Variants in UBASH3B observed in about 807,000 individuals in gnomAD.
The protein encoded by UBASH3B is ubiquitin associated and SH3 domain containing B.
A neutral mutation model predicts 83.4 loss-of-function variants in UBASH3B; 37 were observed. The observed-to-expected ratio is 0.44, with a 90% CI of 0.34 to 0.58. UBASH3B has a LOEUF of 0.58. Ranked by LOEUF, UBASH3B falls within the 20% of genes least tolerant of loss-of-function variation. The pLI is 0.01. For synonymous variants in UBASH3B, 304 were observed against 318.3 expected (o/e 0.96, Z 0.48); for missense variants, 657 against 827.2 (o/e 0.79, Z 2.52).
chr11:122,680,984 G>A (rs1863730895), intron 1 of UBASH3B, among the ~76,000 whole-genome samples: 1 of 152,154 alleles, frequency 6.6e-6, no homozygotes, highest in Non-Finnish European at 1.5e-5. Context: ...TTTGTCCAGA[G>A]CAAGACCCGA....
intron 1 of UBASH3B, among the ~76,000 whole-genome samples, chr11:122,720,963 C>T (rs1245179638): frequency 4.0e-5 from 6 of 151,826 alleles, no homozygotes; most frequent in East Asian, 1.9e-4. Context: ...ATGAATGACT[C>T]GGCCAGGCGC....
chr11:122,677,484 G>A (rs748294738), intron 1 of UBASH3B, among the ~76,000 whole-genome samples: 6 of 152,070 alleles, frequency 3.9e-5, no homozygotes, highest in East Asian at 1.9e-4. Flanking sequence ...ACCTGATGCC[G>A]TGCCTCTGGT....
At chr11:122,734,069 T>G (rs569492446) in intron 1 of UBASH3B, among the ~76,000 whole-genome samples, 1 of 152,250 alleles carries the variant, frequency 6.6e-6, no homozygotes, top group African/African-American at 2.4e-5. Flanking sequence ...GTGTTTTAAG[T>G]AAAGATGGGG....
chr11:122,720,498 C>T (rs1307549140), intron 1 of UBASH3B, among the ~76,000 whole-genome samples: 2 of 152,216 alleles, frequency 1.3e-5, no homozygotes, highest in South Asian at 2.1e-4. Context: ...AATCACTCCA[C>T]TGCTCAAAAT....
chr11:122,658,649 G>A (rs1041212196), intron 1 of UBASH3B, among the ~76,000 whole-genome samples: 5 of 152,240 alleles, frequency 3.3e-5, no homozygotes, highest in Admixed American at 2.0e-4. Flanking sequence ...ACAGTAAGCA[G>A]TGAAGCTGGG....
intron 1 of UBASH3B, among the ~76,000 whole-genome samples, chr11:122,667,037 C>CTTT (rs148029449): frequency 7.1e-4 from 72 of 101,500 alleles, no homozygotes; most frequent in Non-Finnish European, 8.3e-4. Flanking sequence ...TAATGGCATT[C>CTTT]TTTTTTTTTT....
At chr11:122,688,086 A>G (rs1043463072) in intron 1 of UBASH3B, among the ~76,000 whole-genome samples, 1 of 151,860 alleles carries the variant, frequency 6.6e-6, no homozygotes, top group African/African-American at 2.4e-5. Flanking sequence ...TTTCCCACCT[A>G]TTTACTGCAC....
At chr11:122,697,117 T>C (rs552382310) in intron 1 of UBASH3B, among the ~76,000 whole-genome samples, 2 of 152,178 alleles carry the variant, frequency 1.3e-5, no homozygotes, top group Admixed American at 6.5e-5. Context: ...GGGGGGAAGT[T>C]TGAAGTTTTG....
At chr11:122,734,761 T>C (rs957929478) in intron 1 of UBASH3B, among the ~76,000 whole-genome samples, 1 of 151,102 alleles carries the variant, frequency 6.6e-6, no homozygotes, top group African/African-American at 2.4e-5. Context: ...TCTTATAGAA[T>C]TATGATGAGT....
intron 1 of UBASH3B, among the ~76,000 whole-genome samples, chr11:122,747,043 G>A (rs1347195868): frequency 2.0e-5 from 3 of 152,226 alleles, no homozygotes; most frequent in East Asian, 1.9e-4. Flanking sequence ...GGAAACTGCC[G>A]AGGCTCCTGG....
intron 1 of UBASH3B, among the ~76,000 whole-genome samples, chr11:122,688,470 G>A (rs1863837221): frequency 7.0e-6 from 1 of 142,610 alleles, no homozygotes; most frequent in African/African-American, 2.6e-5. Context: ...TTTTGAGACG[G>A]AGTCTGGCTC....
At position 122,693,068 on chromosome 11, in the gene UBASH3B, C is replaced by T. The variant is rs148829464; in HGVS notation, c.161+36858C>T. Among the ~76,000 whole-genome samples the T allele has an allele frequency of 5.3e-5, 8 of 152,070 alleles. No homozygotes were observed. In the East Asian group the frequency reaches 1.6e-3, roughly 29 times the overall value. On this transcript the variant is annotated intron_variant, in intron 1 of 13. Coordinates refer to ENST00000284273, the MANE Select transcript of UBASH3B (RefSeq NM_032873.5). Reference sequence around the variant, plus strand: ...GGGGGTGGATCTCACAAAGTACATTCTCAAGGGTGGGGAGAATGGCAAAGA... The same window carrying T: ...GGGGGTGGATCTCACAAAGTACATTTTCAAGGGTGGGGAGAATGGCAAAGA...
chr11:122,679,976 A>G (rs11218747), intron 1 of UBASH3B, among the ~76,000 whole-genome samples: 23,709 of 151,890 alleles, frequency 0.16, 1,993 homozygotes, highest in African/African-American at 0.21. Context: ...GATTACAGGC[A>G]CCCACCACCA....
chr11:122,794,744 G>A lies in UBASH3B; in HGVS notation c.1023G>A (p.Thr341=), dbSNP rs747069500. The stretch of plus-strand genomic sequence containing the variant: ...ATACATCGTCATCCAACTCTCTCAC[G>A]TTTGGGGATGGAGTATTGGAGAGGC... ...ILNTSSSNSL[T]FGDGVLERRP... Residue 341 remains threonine (T), a synonymous_variant, in exon 7 of 14, where the codon ACG becomes ACA. Coordinates refer to ENST00000284273, the MANE Select transcript of UBASH3B (RefSeq NM_032873.5). The A allele has an allele frequency of 1.2e-5, 19 of 1,614,098 alleles. No homozygotes were observed. Among genetic ancestry groups the A allele is most frequent in the Middle Eastern group, 3.3e-4 (2 of 6,060 alleles).
chr11:122,799,249 G>A (rs1228831827), intron 10 of UBASH3B, among the ~76,000 whole-genome samples: 1 of 152,180 alleles, frequency 6.6e-6, no homozygotes, highest in Non-Finnish European at 1.5e-5. Context: ...CCAGCACTTT[G>A]GGAGGCTGAG....
chr11:122,695,125 G>A (rs752572767), intron 1 of UBASH3B, among the ~76,000 whole-genome samples: 6 of 150,974 alleles, frequency 4.0e-5, no homozygotes, highest in East Asian at 1.9e-4. Flanking sequence ...TACCATGCCC[G>A]GCTAATTTTT....
At position 122,811,039 on chromosome 11, in the gene UBASH3B, T is replaced by A. The variant is rs1344634421; in HGVS notation, c.*1153T>A. The A allele has an allele frequency of 6.6e-6, 1 of 152,578 alleles. No homozygotes were observed. Among genetic ancestry groups the A allele is most frequent in the Non-Finnish European group, 1.5e-5 (1 of 68,046 alleles). The allele number at this position is 152,578 out of a possible 1,614,324, so 9.5% of individuals were successfully genotyped here. On this transcript the variant is annotated 3_prime_UTR_variant, in exon 14 of 14. Coordinates refer to ENST00000284273, the MANE Select transcript of UBASH3B (RefSeq NM_032873.5). ...TGTCGTTTTGTTTGTTTTTCTATGA[T>A]AATTTAAAATACATAGGTAGGGCTA...
chr11:122,756,749 T>C (rs1861289367), intron 1 of UBASH3B, among the ~76,000 whole-genome samples: 1 of 152,144 alleles, frequency 6.6e-6, no homozygotes, highest in Non-Finnish European at 1.5e-5. Context: ...TGAGTGGTCA[T>C]CTCTTAGGCT....
intron 11 of UBASH3B, among the ~76,000 whole-genome samples, chr11:122,805,972 A>T (rs1208380147): frequency 1.3e-5 from 2 of 152,154 alleles, no homozygotes; most frequent in Non-Finnish European, 2.9e-5. Flanking sequence ...AATTTGATAA[A>T]CTCGCAAAGA....
Sources: gnomAD v4.1 joint callset for allele counts (sites outside exome capture counted in the v4.1 genomes callset) on GRCh38, gnomAD v4.1.1 for gene constraint, MANE v1.5 for transcripts, NCBI Gene and HGNC (gene_info 2026-07-23, HGNC 2026-07-21) for gene names.